The following CCSER1 variants were observed in gnomAD, a reference collection of about 807,000 sequenced individuals.
CCSER1 encodes the protein serine-rich coiled-coil domain-containing protein 1.
CCSER1 carries 41 observed loss-of-function variants against 82.0 expected under a neutral mutation model. The observed-to-expected ratio is 0.50, with a 90% CI of 0.39 to 0.65. The LOEUF (loss-of-function observed/expected upper bound fraction) is 0.65. CCSER1 is among the 30% of genes least tolerant of loss of function. The pLI is 0.00. For synonymous variants in CCSER1, 414 were observed against 383.9 expected, an observed-to-expected ratio of 1.08 and a Z score of -0.92; for missense variants, 1,119 against 1,064.2, an observed-to-expected ratio of 1.05 and a Z score of -0.72.
intron 8 of CCSER1, among the ~76,000 whole-genome samples, chr4:90,912,142 A>G (rs1726489844): frequency 6.6e-6 from 1 of 152,218 alleles, no homozygotes; most frequent in Admixed American, 6.5e-5. Flanking sequence ...TGTTTCTTCC[A>G]GCACGGAGCT....
chr4:90,724,988 A>C (rs1463423057), intron 7 of CCSER1: 1 of 436,210 alleles, frequency 2.3e-6, no homozygotes, highest in South Asian at 1.6e-5. Flanking sequence ...AATTATGGAC[A>C]CTTTTTTGCT....
chr4:90,986,302 C>T (rs1376006116), intron 9 of CCSER1, among the ~76,000 whole-genome samples: 5 of 151,660 alleles, frequency 3.3e-5, no homozygotes, highest in Non-Finnish European at 7.4e-5. Flanking sequence ...ACTAGCTTGA[C>T]TAGTTTTAAC....
chr4:90,186,271 A>G (rs1295982173), intron 1 of CCSER1, among the ~76,000 whole-genome samples: 2 of 151,976 alleles, frequency 1.3e-5, no homozygotes, highest in Non-Finnish European at 2.9e-5. Flanking sequence ...TGCCACCCTC[A>G]AGAGATATGT....
chr4:90,271,862 ATTTTTTTTTT>A (rs1176154331), intron 1 of CCSER1, among the ~76,000 whole-genome samples: 14 of 21,726 alleles, frequency 6.4e-4, no homozygotes, highest in South Asian at 2.8e-3. Flanking sequence ...ATATATATAT[ATTTTTTTTTT>A]TTTTTTTTTT....
chr4:90,297,770 G>A (rs926661295), intron 1 of CCSER1, among the ~76,000 whole-genome samples: 11 of 151,914 alleles, frequency 7.2e-5, no homozygotes, highest in African/African-American at 2.7e-4. Flanking sequence ...TTTTGTCTTT[G>A]GTTCTGTTTA....
At chr4:90,762,454 G>A (rs1003000319) in intron 7 of CCSER1, among the ~76,000 whole-genome samples, 7 of 152,090 alleles carry the variant, frequency 4.6e-5, no homozygotes, top group African/African-American at 1.7e-4. Flanking sequence ...AGTTATATGT[G>A]TTACTTGTTG....
At chr4:90,550,349 G>A (rs748293936) in intron 5 of CCSER1, among the ~76,000 whole-genome samples, 33 of 152,002 alleles carry the variant, frequency 2.2e-4, no homozygotes, top group Non-Finnish European at 3.8e-4. Flanking sequence ...AATAACTTAG[G>A]TACTTGACTT....
intron 10 of CCSER1, among the ~76,000 whole-genome samples, chr4:91,539,917 C>A (rs2110192556): frequency 6.6e-6 from 1 of 151,992 alleles, no homozygotes; most frequent in Non-Finnish European, 1.5e-5. Context: ...TGACGATGTG[C>A]AAAATTTTAA....
At chr4:90,503,460 G>A (rs1229614588) in intron 5 of CCSER1, among the ~76,000 whole-genome samples, 3 of 151,874 alleles carry the variant, frequency 2.0e-5, no homozygotes, top group African/African-American at 7.3e-5. Flanking sequence ...TGTGCACAAC[G>A]TGCAGGTTAG....
chr4:90,158,031 G>A (rs1728631574), intron 1 of CCSER1, among the ~76,000 whole-genome samples: 1 of 152,092 alleles, frequency 6.6e-6, no homozygotes, highest in Admixed American at 6.5e-5. Context: ...TTTGATGATG[G>A]TGATGTACAG....
intron 10 of CCSER1, among the ~76,000 whole-genome samples, chr4:91,390,126 A>T (rs576069127): frequency 6.6e-6 from 1 of 151,856 alleles, no homozygotes; most frequent in Non-Finnish European, 1.5e-5. Flanking sequence ...GAAAATTTTG[A>T]GTTTCTAACC....
chr4:91,021,033 A>G (rs1446096319), intron 9 of CCSER1, among the ~76,000 whole-genome samples: 5 of 152,188 alleles, frequency 3.3e-5, no homozygotes, highest in Non-Finnish European at 7.4e-5. Flanking sequence ...GGTTTTTTAC[A>G]GGTAACTCCC....
chr4:91,087,741 C>A (rs896138548), intron 10 of CCSER1, among the ~76,000 whole-genome samples: 1 of 152,134 alleles, frequency 6.6e-6, no homozygotes, highest in Non-Finnish European at 1.5e-5. Flanking sequence ...ATCTCTAATT[C>A]ATGACCAGAA....
At chr4:90,581,865 G>A (rs1781448198) in intron 5 of CCSER1, among the ~76,000 whole-genome samples, 1 of 150,746 alleles carries the variant, frequency 6.6e-6, no homozygotes, top group African/African-American at 2.5e-5. Context: ...GATTTTTAGA[G>A]GAAAGGAATG....
chr4:90,162,756 T>A (rs892369507), intron 1 of CCSER1, among the ~76,000 whole-genome samples: 2 of 152,022 alleles, frequency 1.3e-5, no homozygotes, highest in African/African-American at 2.4e-5. Flanking sequence ...CCAAAAAAAA[T>A]TCATTTTTTT....
intron 9 of CCSER1, among the ~76,000 whole-genome samples, chr4:90,962,524 T>C (rs1322243228): frequency 6.6e-6 from 1 of 152,184 alleles, no homozygotes; most frequent in South Asian, 2.1e-4. Context: ...TGAATACTTA[T>C]ATGCCCTGTA....
intron 10 of CCSER1, among the ~76,000 whole-genome samples, chr4:91,351,813 A>G (rs1238063323): frequency 6.6e-6 from 1 of 152,124 alleles, no homozygotes; most frequent in East Asian, 1.9e-4. Context: ...TTTTAAAGGG[A>G]AAATATTCAT....
In CCSER1 at chr4:91,165,967, A is replaced by G. The variant is rs111948156; in HGVS notation, c.2217+79973A>G. ...TGTTCAACCAGTCCCAGTGAGATGAACCAGGTACCTCAGTAGGAAATGCAG... is the reference window on the plus strand; with the variant it reads ...TGTTCAACCAGTCCCAGTGAGATGAGCCAGGTACCTCAGTAGGAAATGCAG... On this transcript the variant is annotated intron_variant, in intron 10 of 10. Transcript: ENST00000509176. Among the ~76,000 whole-genome samples, 739 of 152,310 alleles carry G rather than the reference A, an allele frequency of 4.9e-3. 7 individuals carry two copies. The highest frequency in any genetic ancestry group is 0.017 in the African/African-American group (704 of 41,562).
At chr4:91,094,729 T>C (rs1724327014) in intron 10 of CCSER1, among the ~76,000 whole-genome samples, 1 of 152,064 alleles carries the variant, frequency 6.6e-6, no homozygotes, top group South Asian at 2.1e-4. Context: ...CCTCCGCCCA[T>C]ACTCAGGGCC....
Sources: gnomAD v4.1 joint callset for allele counts (sites outside exome capture counted in the v4.1 genomes callset) on GRCh38, gnomAD v4.1.1 for gene constraint, MANE v1.5 for transcripts, NCBI Gene and HGNC (gene_info 2026-07-23, HGNC 2026-07-21) for gene names.